The following FAM13A variants were observed in gnomAD, a reference collection of about 807,000 sequenced individuals.
The protein encoded by FAM13A is family with sequence similarity 13 member A.
FAM13A carries 76 observed loss-of-function variants against 129.6 expected under a neutral mutation model. The observed-to-expected ratio is 0.59, with a 90% CI of 0.49 to 0.71. The LOEUF is 0.71. Ranked by LOEUF, FAM13A falls within the 30% of genes least tolerant of loss-of-function variation. The pLI, the probability that FAM13A is intolerant of heterozygous loss-of-function variation, is 0.00. For synonymous variants in FAM13A, 443 were observed against 449.9 expected (o/e 0.98, Z 0.20); for missense variants, 1,108 against 1,249.3 (o/e 0.89, Z 1.70).
At chr4:88,880,765 G>A (rs553604760) in intron 6 of FAM13A, among the ~76,000 whole-genome samples, 3 of 144,080 alleles carry the variant, frequency 2.1e-5, no homozygotes, top group Admixed American at 6.9e-5. Context: ...GAGCTGTTGC[G>A]GGTGGTGCGG....
At chr4:88,754,478 C>T (rs918024625) in intron 14 of FAM13A, among the ~76,000 whole-genome samples, 6 of 152,194 alleles carry the variant, frequency 3.9e-5, no homozygotes, top group Non-Finnish European at 7.3e-5. Flanking sequence ...TCTCAGAAAT[C>T]TGCACAGAAT....
At chr4:88,894,012 T>C (rs1042385001) in intron 6 of FAM13A, among the ~76,000 whole-genome samples, 13 of 152,118 alleles carry the variant, frequency 8.5e-5, no homozygotes, top group Admixed American at 2.0e-4. Context: ...ATTAAGGCAA[T>C]AGCAAGATGC....
At chr4:88,851,874 T>G (rs550791007) in intron 6 of FAM13A, among the ~76,000 whole-genome samples, 1 of 152,336 alleles carries the variant, frequency 6.6e-6, no homozygotes, top group African/African-American at 2.4e-5. Context: ...TACCTTCATG[T>G]TCTCTTATTT....
At chr4:89,050,661 C>T (rs1196753976) in intron 1 of FAM13A, among the ~76,000 whole-genome samples, 1 of 151,930 alleles carries the variant, frequency 6.6e-6, no homozygotes, top group Non-Finnish European at 1.5e-5. Flanking sequence ...GGTATGGTGG[C>T]TCACACCTGT....
chr4:88,876,300 A>T (rs1245580455), intron 6 of FAM13A, among the ~76,000 whole-genome samples: 1 of 152,168 alleles, frequency 6.6e-6, no homozygotes, highest in Non-Finnish European at 1.5e-5. Context: ...ATAATAATAA[A>T]AAAAGAATTG....
At chr4:88,852,160 C>CTT (rs369275871) in intron 6 of FAM13A, among the ~76,000 whole-genome samples, 5 of 138,156 alleles carry the variant, frequency 3.6e-5, no homozygotes, top group Non-Finnish European at 6.3e-5. Flanking sequence ...AACTTCAGGT[C>CTT]TTTTTTTTTT....
chr4:88,962,457 A>G (rs1758761210), intron 4 of FAM13A, among the ~76,000 whole-genome samples: 1 of 152,212 alleles, frequency 6.6e-6, no homozygotes, highest in South Asian at 2.1e-4. Flanking sequence ...CAAAGAGGAA[A>G]GAAAGGAGGT....
intron 4 of FAM13A, among the ~76,000 whole-genome samples, chr4:88,975,626 T>C (rs1760793263): frequency 6.6e-6 from 1 of 151,848 alleles, no homozygotes; most frequent in African/African-American, 2.4e-5. Context: ...AATTTTCTTT[T>C]AGAAGCATGG....
At chr4:88,769,149 C>G (rs1720098517) in intron 11 of FAM13A, among the ~76,000 whole-genome samples, 1 of 152,104 alleles carries the variant, frequency 6.6e-6, no homozygotes, top group Non-Finnish European at 1.5e-5. Flanking sequence ...ATAATAAAAC[C>G]CTTTACTAAG....
At chr4:88,739,154 A>G (rs764620574) in intron 19 of FAM13A, 29 bp from the exon 20 acceptor site, 33 of 1,519,372 alleles carry the variant, frequency 2.2e-5, no homozygotes, top group Middle Eastern at 1.7e-4. Flanking sequence ...AGCTATGAGA[A>G]GCCTGCTGCT....
At chr4:88,794,764 A>G (rs2149692355) in intron 8 of FAM13A, among the ~76,000 whole-genome samples, 1 of 152,014 alleles carries the variant, frequency 6.6e-6, no homozygotes, top group East Asian at 1.9e-4. Context: ...AAAGACAATT[A>G]TGAGATGTTC....
At chr4:88,810,178 C>CAA (rs1729391433) in intron 7 of FAM13A, among the ~76,000 whole-genome samples, 2 of 151,782 alleles carry the variant, frequency 1.3e-5, no homozygotes, top group Admixed American at 6.6e-5. Context: ...ATTCTGAAGG[C>CAA]AAAACAAATA....
intron 4 of FAM13A, chr4:88,990,448 A>G (rs986393377): frequency 6.6e-6 from 1 of 152,292 alleles, no homozygotes; most frequent in Non-Finnish European, 1.5e-5. Flanking sequence ...GCTTTATGGA[A>G]TAAGAAGGAG....
chr4:88,953,069 T>C (rs1757192205), intron 4 of FAM13A, among the ~76,000 whole-genome samples: 1 of 152,200 alleles, frequency 6.6e-6, no homozygotes, highest in Admixed American at 6.5e-5. Flanking sequence ...AACTCACCCA[T>C]TTAGAGTGTA....
chr4:89,017,626 T>A (rs1055281312), intron 3 of FAM13A, among the ~76,000 whole-genome samples: 3 of 152,116 alleles, frequency 2.0e-5, no homozygotes, highest in Admixed American at 2.0e-4. Flanking sequence ...ACTAAAGATA[T>A]CTGACTACCA....
chr4:88,733,824 C>G (rs1738401654), intron 21 of FAM13A, among the ~76,000 whole-genome samples: 1 of 152,200 alleles, frequency 6.6e-6, no homozygotes, highest in Non-Finnish European at 1.5e-5. Context: ...GGACAGCTAA[C>G]AGAGTTACAA....
chr4:88,823,944 TAC>T (rs1354670517), intron 7 of FAM13A, among the ~76,000 whole-genome samples: 3 of 152,250 alleles, frequency 2.0e-5, no homozygotes, highest in East Asian at 1.9e-4. Flanking sequence ...TGAATGTGTT[TAC>T]ACAGTTATTT....
At chr4:88,894,320 A>G (rs1446496570) in intron 6 of FAM13A, among the ~76,000 whole-genome samples, 1 of 152,220 alleles carries the variant, frequency 6.6e-6, no homozygotes, top group Non-Finnish European at 1.5e-5. Flanking sequence ...GGGAAAAATT[A>G]GAATAACAAC....
At chr4:88,735,715 T>C (rs1437817907) in intron 21 of FAM13A, among the ~76,000 whole-genome samples, 8 of 152,182 alleles carry the variant, frequency 5.3e-5, no homozygotes, top group Admixed American at 5.2e-4. Flanking sequence ...GTCCAAATAC[T>C]TTCTAATAGG....
Sources: gnomAD v4.1 joint callset for allele counts (sites outside exome capture counted in the v4.1 genomes callset) on GRCh38, gnomAD v4.1.1 for gene constraint, MANE v1.5 for transcripts, NCBI Gene and HGNC (gene_info 2026-07-23, HGNC 2026-07-21) for gene names.